XKR9: variants seen among roughly 807,000 people sequenced by gnomAD.
The protein encoded by XKR9 is XK related 9, also known as XK-related protein 9.
In XKR9, 32 loss-of-function variants were observed where a neutral mutation model predicts 32.0. The observed-to-expected ratio is 1.00, with a 90% CI of 0.76 to 1.34. The LOEUF (loss-of-function observed/expected upper bound fraction) is 1.34. XKR9 is among the 40% of genes most tolerant of loss of function. XKR9 has a pLI of 0.00. For synonymous variants in XKR9, 168 were observed against 143.4 expected (o/e 1.17, Z -1.22); for missense variants, 546 against 429.7 (o/e 1.27, Z -2.39).
the XKR9 span, among the ~76,000 whole-genome samples, chr8:70,974,448 T>C: frequency 6.6e-6 from 1 of 152,100 alleles, no homozygotes; most frequent in Non-Finnish European, 1.5e-5. Context: ...TGTGTCCAAG[T>C]GTTCTTATTG....
the XKR9 span, among the ~76,000 whole-genome samples, chr8:70,862,920 A>G: frequency 6.6e-6 from 1 of 152,166 alleles, no homozygotes; most frequent in Non-Finnish European, 1.5e-5. Context: ...TTGAGCTGAG[A>G]TCTGGAGGAC....
the XKR9 span, among the ~76,000 whole-genome samples, chr8:71,006,172 G>T: frequency 1.3e-5 from 2 of 152,252 alleles, no homozygotes; most frequent in Non-Finnish European, 2.9e-5. Context: ...GCAAACCAGA[G>T]AGAGTGGACA....
the XKR9 span, among the ~76,000 whole-genome samples, chr8:70,944,231 A>G: frequency 6.6e-6 from 1 of 152,226 alleles, no homozygotes; most frequent in African/African-American, 2.4e-5. Context: ...AGTGTTAAAA[A>G]GAGAATAAAT....
At chr8:70,922,168 A>G in the XKR9 span, among the ~76,000 whole-genome samples, 1 of 152,234 alleles carries the variant, frequency 6.6e-6, no homozygotes, top group East Asian at 1.9e-4. Context: ...TACCTCCTGC[A>G]TGCTATGGAC....
the XKR9 span, among the ~76,000 whole-genome samples, chr8:70,826,741 G>T: frequency 6.6e-6 from 1 of 152,114 alleles, no homozygotes; most frequent in East Asian, 1.9e-4. Context: ...TAGAAATGGA[G>T]CTTAGCTGTT....
the XKR9 span, among the ~76,000 whole-genome samples, chr8:71,050,253 A>C: frequency 7.9e-5 from 10 of 126,638 alleles, no homozygotes; most frequent in African/African-American, 3.6e-4. Flanking sequence ...ATATATATAT[A>C]TATATATAGA....
chr8:70,715,341 G>T (rs1171795505), intron 4 of XKR9, among the ~76,000 whole-genome samples: 1 of 152,160 alleles, frequency 6.6e-6, no homozygotes, highest in Non-Finnish European at 1.5e-5. Context: ...AGAATAGAAA[G>T]AGACAGGGAA....
downstream of XKR9, among the ~76,000 whole-genome samples, chr8:70,795,282 C>T (rs1332333515): frequency 6.6e-6 from 1 of 152,126 alleles, no homozygotes; most frequent in Non-Finnish European, 1.5e-5. Context: ...CCTTCAGCTT[C>T]TTCCATGTTC....
the XKR9 span, among the ~76,000 whole-genome samples, chr8:70,854,097 G>T: frequency 1.3e-5 from 2 of 152,120 alleles, no homozygotes; most frequent in Admixed American, 6.5e-5. Flanking sequence ...CTGAGGAATC[G>T]CCACACTGAC....
At chr8:70,822,795 C>T in the XKR9 span, among the ~76,000 whole-genome samples, 2 of 152,074 alleles carry the variant, frequency 1.3e-5, no homozygotes, top group African/African-American at 2.4e-5. Context: ...GCAGACTCTC[C>T]CCCTACTGAG....
At chr8:70,778,322 C>A (rs953678147) in intron 2 of XKR9, among the ~76,000 whole-genome samples, 1 of 152,116 alleles carries the variant, frequency 6.6e-6, no homozygotes, top group Admixed American at 6.6e-5. Context: ...GTTTTGGTAC[C>A]AGTACCATGC....
At chr8:70,893,996 G>A in the XKR9 span, among the ~76,000 whole-genome samples, 4 of 151,958 alleles carry the variant, frequency 2.6e-5, no homozygotes, top group Non-Finnish European at 4.4e-5. Context: ...TGGCATCTTG[G>A]GCCCAGGGAG....
At chr8:71,021,542 G>A in the XKR9 span, among the ~76,000 whole-genome samples, 4 of 120,858 alleles carry the variant, frequency 3.3e-5, no homozygotes, top group East Asian at 2.3e-4. Context: ...TCGCTCTGTC[G>A]CCCAGGCTGG....
chr8:70,745,266 A>G (rs543139651), intron 2 of XKR9, among the ~76,000 whole-genome samples: 1 of 152,324 alleles, frequency 6.6e-6, no homozygotes, highest in South Asian at 2.1e-4. Flanking sequence ...CTCATGTTCT[A>G]TATGGTTCAG....
the XKR9 span, among the ~76,000 whole-genome samples, chr8:70,896,574 G>A: frequency 6.6e-6 from 1 of 151,044 alleles, no homozygotes; most frequent in South Asian, 2.1e-4. Context: ...TGGTCAGTCT[G>A]TCTACAGGCT....
chr8:70,792,256 T>C (rs1807773604), downstream of XKR9, among the ~76,000 whole-genome samples: 1 of 152,138 alleles, frequency 6.6e-6, no homozygotes, highest in South Asian at 2.1e-4. Flanking sequence ...TAGAAAATCA[T>C]TCCTATCTCC....
chr8:70,755,808 C>T (rs530898747), intron 2 of XKR9, among the ~76,000 whole-genome samples: 3 of 150,768 alleles, frequency 2.0e-5, no homozygotes, highest in African/African-American at 4.9e-5. Context: ...ATACCTAATG[C>T]TAAATGACGA....
At chr8:70,756,193 T>C (rs1347751323) in intron 2 of XKR9, among the ~76,000 whole-genome samples, 1 of 152,218 alleles carries the variant, frequency 6.6e-6, no homozygotes, top group Non-Finnish European at 1.5e-5. Flanking sequence ...CATGGATGTA[T>C]TTCTGGCCTC....
chr8:70,719,774 G>A, intron 4 of XKR9, among the ~76,000 whole-genome samples: 1 of 151,970 alleles, frequency 6.6e-6, no homozygotes, highest in East Asian at 1.9e-4. Context: ...TTGGCTATAT[G>A]GGCTTTTTTT....
Sources: gnomAD v4.1 joint callset for allele counts (sites outside exome capture counted in the v4.1 genomes callset) on GRCh38, gnomAD v4.1.1 for gene constraint, MANE v1.5 for transcripts, NCBI Gene and HGNC (gene_info 2026-07-23, HGNC 2026-07-21) for gene names.